CTXN3: variants seen among roughly 807,000 people sequenced by gnomAD.
CTXN3 encodes the protein cortexin-3.
Under a neutral mutation model 5.0 loss-of-function variants are expected in CTXN3, and 4 were observed. That is an observed-to-expected ratio of 0.79 (90% confidence interval 0.39 to 1.82). CTXN3 has a LOEUF of 1.82. Among genes scored for constraint, CTXN3 ranks in the 40% most tolerant of loss-of-function variants. The pLI is 0.04. For synonymous variants in CTXN3, 48 were observed against 38.6 expected, an observed-to-expected ratio of 1.24 and a Z score of -0.91; for missense variants, 89 against 99.7, an observed-to-expected ratio of 0.89 and a Z score of 0.46.
At chr5:127,649,779 A>C (rs1398029700) in intron 1 of CTXN3, among the ~76,000 whole-genome samples, 1 of 152,138 alleles carries the variant, frequency 6.6e-6, no homozygotes, top group Non-Finnish European at 1.5e-5. Flanking sequence ...TTGTTTACAA[A>C]GGATCACAAC....
chr5:127,652,034 C>T (rs998663638), intron 1 of CTXN3, among the ~76,000 whole-genome samples: 1 of 152,062 alleles, frequency 6.6e-6, no homozygotes, highest in South Asian at 2.1e-4. Context: ...CCCTTCCCCA[C>T]CAAAAAGTAG....
rs568129052 is a variant in CTXN3, at chr5:127,657,678, T to C, written c.157T>C (p.Leu53=). 31 of 1,614,172 alleles carry C rather than the reference T, an allele frequency of 1.9e-5. No homozygotes were observed. In the South Asian group the frequency reaches 2.1e-4, roughly 11 times the overall value. Residue 53 remains leucine (L), a synonymous_variant, in exon 3 of 3, where the codon TTG becomes CTG. Transcript: ENST00000379445. ...CATTGTCCGGTGCTTCCGGATTCTT[T>C]TGGATCCATATCGAAGCATGCCAAC... ...ILIVRCFRIL[L]DPYRSMPTST...
intron 1 of CTXN3, among the ~76,000 whole-genome samples, chr5:127,651,322 T>G (rs1179238453): frequency 1.3e-5 from 2 of 152,116 alleles, no homozygotes; most frequent in Non-Finnish European, 2.9e-5. Flanking sequence ...TTTTAAAAAT[T>G]AGGTACTGCA....
At chr5:127,652,696 A>G (rs1317928531) in intron 1 of CTXN3, among the ~76,000 whole-genome samples, 1 of 152,034 alleles carries the variant, frequency 6.6e-6, no homozygotes, top group Non-Finnish European at 1.5e-5. Context: ...AAAGAAGGAG[A>G]GGAGGCAAGT....
intron 1 of CTXN3, 139 bp downstream of exon 1, chr5:127,649,527 A>G (rs1250292833): frequency 6.6e-6 from 1 of 152,230 alleles, no homozygotes; most frequent in Non-Finnish European, 1.5e-5. Flanking sequence ...GATAAGTCTA[A>G]TTAAACAATT....
At position 127,653,349 on chromosome 5, in the gene CTXN3, A is replaced by G. The variant is rs1331293581; in HGVS notation, c.-174A>G. Reference sequence around the variant, plus strand: ...ATTAGACTCTATTTCCTGAGCACCCACAAATGGACCTGACAAAGGGAAGAC... The same window carrying G: ...ATTAGACTCTATTTCCTGAGCACCCGCAAATGGACCTGACAAAGGGAAGAC... On this transcript the variant is annotated 5_prime_UTR_variant, in exon 2 of 3. Transcript: ENST00000379445. The G allele has an allele frequency of 2.0e-5, 3 of 152,226 alleles. No individual in the cohort carries two copies. Among genetic ancestry groups the G allele is most frequent in the Non-Finnish European group, 4.4e-5 (3 of 68,048 alleles). The allele number at this position is 152,226 out of a possible 1,614,324, so 9.4% of individuals were successfully genotyped here.
Position 127,657,615 on chromosome 5 carries a change from G to GTTTT in CTXN3, c.96_99dup (p.Val34PhefsTer34), listed in dbSNP as rs1561422332. On this transcript the variant is annotated frameshift_variant, in exon 3 of 3. Transcript: ENST00000379445. LOFTEE classifies it high-confidence loss of function. ...GTCCCTGGAGCAGAAAATGACATTT[G>GTTTT]TTTTTGTGATTCTGTTGTTTATTTT... 2 of 1,614,178 alleles carry GTTTT rather than the reference G, an allele frequency of 1.2e-6. No homozygotes were observed. The highest frequency in any genetic ancestry group is 3.3e-5 in the Admixed American group (2 of 60,024).
Position 127,652,766 on chromosome 5 carries a change from A to C in CTXN3, c.-206-551A>C, listed in dbSNP as rs564595321. On this transcript the variant is annotated intron_variant, in intron 1 of 2. Coordinates refer to ENST00000379445, the MANE Select transcript of CTXN3 (RefSeq NM_001048252.3). ...CAGCAGGTATTGGATCAAGCTGAAAAACAGACAAAATGAGGACATTCTCCA... is the reference window on the plus strand; with the variant it reads ...CAGCAGGTATTGGATCAAGCTGAAACACAGACAAAATGAGGACATTCTCCA... Among the ~76,000 whole-genome samples, 3 of 152,302 alleles carry C rather than the reference A, an allele frequency of 2.0e-5. No individual in the cohort carries two copies. In the South Asian group the frequency reaches 6.2e-4, roughly 32 times the overall value.
At chr5:127,651,972 C>T (rs1040275183) in intron 1 of CTXN3, among the ~76,000 whole-genome samples, 4 of 152,112 alleles carry the variant, frequency 2.6e-5, no homozygotes, top group Non-Finnish European at 4.4e-5. Context: ...TACATGTTGA[C>T]ATTAATAGTT....
chr5:127,657,749 C>T lies in CTXN3; in HGVS notation c.228C>T (p.Phe76=), dbSNP rs142310306. The part of the protein sequence containing the change: ...DGLEGLEKGQ[F]DHALA ...TTGAAGGCCTGGAGAAAGGGCAGTT[C>T]GACCATGCCCTTGCTTAGGAGGGAT... Residue 76 remains phenylalanine, a synonymous_variant, in exon 3 of 3, where the codon TTC becomes TTT. Transcript: ENST00000379445. The T allele has an allele frequency of 3.7e-5, 60 of 1,613,930 alleles. No homozygotes were observed. The African/African-American group carries it at 5.9e-4, about 16-fold the overall frequency.
chr5:127,649,647 G>A (rs927458894), intron 1 of CTXN3, among the ~76,000 whole-genome samples: 2 of 152,006 alleles, frequency 1.3e-5, no homozygotes, highest in Non-Finnish European at 2.9e-5. Flanking sequence ...AGTAAAACAG[G>A]CTTTTTTTTC....
In CTXN3 at chr5:127,657,489, C is replaced by A. The variant is rs763295692; in HGVS notation, c.-33C>A. The A allele has an allele frequency of 6.2e-7, 1 of 1,608,906 alleles. No individual in the cohort carries two copies. The highest frequency in any genetic ancestry group is 2.2e-5 in the East Asian group (1 of 44,820). On this transcript the variant is annotated 5_prime_UTR_variant, in exon 3 of 3. Coordinates refer to ENST00000379445, the MANE Select transcript of CTXN3 (RefSeq NM_001048252.3). ...AGATTGATGATGGAAGAAAAGAAAA[C>A]CAGGATATCCTGTGCTCTGGCTTCC...
At position 127,657,975 on chromosome 5, in the gene CTXN3, G is replaced by A. The variant is rs1257245631; in HGVS notation, c.*208G>A. On this transcript the variant is annotated 3_prime_UTR_variant, in exon 3 of 3. Coordinates refer to ENST00000379445, the MANE Select transcript of CTXN3 (RefSeq NM_001048252.3). ...TATATAACTAATCCAACATAAGAAG[G>A]TTTAAATTTTTATGTTTGCTCAATG... 5.1e-6 allele frequency: 3 copies of A among 591,862 alleles called. No homozygotes were observed. The highest frequency in any genetic ancestry group is 1.9e-5 in the African/African-American group (1 of 53,318). The allele number at this position is 591,862 out of a possible 1,614,324, so 36.7% of individuals were successfully genotyped here.
Position 127,658,323 on chromosome 5 carries a change from G to C in CTXN3, c.*556G>C, listed in dbSNP as rs1418279960. 1.2e-5 allele frequency: 2 copies of C among 167,730 alleles called. No individual in the cohort carries two copies. Among genetic ancestry groups the C allele is most frequent in the African/African-American group, 4.8e-5 (2 of 41,426 alleles). The allele number at this position is 167,730 out of a possible 1,614,324, so 10.4% of individuals were successfully genotyped here. A position where few individuals can be genotyped will look rare whatever the true frequency, so the allele number is the denominator to read the frequency against. ...GCTTAAAAGAGATGATTCTGTCCTT[G>C]GTAAATGTGAGTGAGAATAGCGTTT... On this transcript the variant is annotated 3_prime_UTR_variant, in exon 3 of 3. Coordinates refer to ENST00000379445, the MANE Select transcript of CTXN3 (RefSeq NM_001048252.3).
chr5:127,649,627 A>G (rs1475788744), intron 1 of CTXN3, among the ~76,000 whole-genome samples: 1 of 152,208 alleles, frequency 6.6e-6, no homozygotes, highest in Non-Finnish European at 1.5e-5. Context: ...TTGATACTGG[A>G]TGAAGAAGTA....
rs1259894246 is a variant in CTXN3 at position 127,657,517 on chromosome 5, G to A, written c.-5G>A. On this transcript the variant is annotated 5_prime_UTR_variant, in exon 3 of 3. Coordinates refer to ENST00000379445, the MANE Select transcript of CTXN3 (RefSeq NM_001048252.3). The stretch of plus-strand genomic sequence containing the variant: ...GGATATCCTGTGCTCTGGCTTCCCT[G>A]GACCATGGATGGAGGACAGCCCATC... 1 of 1,613,880 alleles carries A rather than the reference G, an allele frequency of 6.2e-7. No homozygotes were observed. The highest frequency in any genetic ancestry group is 1.7e-5 in the Admixed American group (1 of 60,028).
intron 2 of CTXN3, chr5:127,653,782 A>T (rs188414856): frequency 2.0e-5 from 3 of 152,324 alleles, no homozygotes; most frequent in Admixed American, 1.3e-4. Flanking sequence ...TAAATTATTG[A>T]TTAGCTGATT....
rs561156698 is a variant in CTXN3 at position 127,655,967 on chromosome 5, T to A, written c.-99-1456T>A. ...AACTGTAATTTTACAAACTTTGAAG[T>A]GTCAATATAATGCAAACTGTTATGC... On this transcript the variant is annotated intron_variant, in intron 2 of 2. Coordinates refer to ENST00000379445, the MANE Select transcript of CTXN3 (RefSeq NM_001048252.3). Among the ~76,000 whole-genome samples the A allele has an allele frequency of 5.3e-5, 8 of 152,318 alleles. No homozygotes were observed. In the East Asian group the frequency reaches 1.5e-3, roughly 29 times the overall value.
At chr5:127,651,509 A>G (rs1234535923) in intron 1 of CTXN3, among the ~76,000 whole-genome samples, 1 of 152,070 alleles carries the variant, frequency 6.6e-6, no homozygotes, top group African/African-American at 2.4e-5. Context: ...TTTGGTAACG[A>G]TTTTTATAAT....
Sources: gnomAD v4.1 joint callset for allele counts (sites outside exome capture counted in the v4.1 genomes callset) on GRCh38, gnomAD v4.1.1 for gene constraint, MANE v1.5 for transcripts, NCBI Gene and HGNC (gene_info 2026-07-23, HGNC 2026-07-21) for gene names.